HEXB: variants seen among roughly 807,000 people sequenced by gnomAD.
HEXB encodes hexosaminidase subunit beta.
A neutral mutation model predicts 71.2 loss-of-function variants in HEXB; 51 were observed. The observed-to-expected ratio is 0.72, with a 90% CI of 0.57 to 0.90. The LOEUF is 0.90. HEXB is among the 40% of genes least tolerant of loss of function. HEXB has a pLI of 0.00. For synonymous variants in HEXB, 266 were observed against 249.3 expected (o/e 1.07, Z -0.63); for missense variants, 617 against 677.0 (o/e 0.91, Z 0.98).
chr5:74,720,404 C>A, intron 11 of HEXB, 24 bp from the exon 12 acceptor site: 2 of 1,501,696 alleles, frequency 1.3e-6, no homozygotes, highest in Non-Finnish European at 1.9e-6. Context: ...AACTTCTGAA[C>A]TTAATTCAAT....
chr5:74,666,572 C>A (rs1329402811), intron 1 of HEXB, among the ~76,000 whole-genome samples: 3 of 152,198 alleles, frequency 2.0e-5, no homozygotes, highest in Non-Finnish European at 1.5e-5. Flanking sequence ...CCCCAACTCC[C>A]CCACTCCCTG....
At position 74,718,274 on chromosome 5, in the gene HEXB, T is replaced by C. The variant is rs763199590; in HGVS notation, c.1170-17T>C. On this transcript the variant is annotated splice_polypyrimidine_tract_variant and intron_variant, in intron 9 of 13. Transcript: ENST00000261416. The stretch of plus-strand genomic sequence containing the variant: ...AGCTTATGATCTAAAATAACTATAA[T>C]TTTTTTGTAATACTAGGGTTTTGGA... 6.8e-7 allele frequency: 1 copy of C among 1,468,152 alleles called. No homozygotes were observed. Among genetic ancestry groups the C allele is most frequent in the Non-Finnish European group, 9.5e-7 (1 of 1,047,158 alleles). 90.9% of individuals were successfully genotyped at this position (1,468,152 alleles called of 1,614,324 possible).
intron 1 of HEXB, among the ~76,000 whole-genome samples, chr5:74,665,337 T>C (rs1748413264): frequency 6.6e-6 from 1 of 152,224 alleles, no homozygotes; most frequent in South Asian, 2.1e-4. Context: ...AATTTTCTTT[T>C]TTGTACTTCT....
chr5:74,648,484 A>G (rs1748041915), intron 1 of HEXB, among the ~76,000 whole-genome samples: 1 of 152,218 alleles, frequency 6.6e-6, no homozygotes, highest in Non-Finnish European at 1.5e-5. Flanking sequence ...ATCTGCAGAA[A>G]GAACCATGCA....
At chr5:74,654,448 C>T (rs891261852) in intron 1 of HEXB, among the ~76,000 whole-genome samples, 4 of 152,120 alleles carry the variant, frequency 2.6e-5, no homozygotes, top group Non-Finnish European at 4.4e-5. Context: ...GACATTCCCA[C>T]GAGATATACT....
intron 1 of HEXB, among the ~76,000 whole-genome samples, chr5:74,661,549 GTGTGTGTGTGTGTGTCTCTC>G (rs1161094439): frequency 0.026 from 2,034 of 79,550 alleles, 34 homozygotes; most frequent in Middle Eastern, 0.053. Flanking sequence ...GTGTGTGTGT[GTGTGTGTGTGTGTGTCTCTC>G]TCTCTCTCTC....
At chr5:74,693,335 A>T in intron 2 of HEXB, 1 of 451,388 alleles carries the variant, frequency 2.2e-6, no homozygotes, top group Non-Finnish European at 4.1e-6. Flanking sequence ...TGACACCCAA[A>T]TTCCCGTTCT....
In HEXB at chr5:74,693,696, C is replaced by G. The variant is rs897053462; in HGVS notation, c.503C>G (p.Ala168Gly). ...AVLKANRVWG[A>G]LRGLETFSQL... is the part of the protein sequence containing the mutation. ...CTTAAGGCCAACAGAGTTTGGGGAG[C>G]ATTACGAGGTAAGTTCCATGCAGTT... Residue 168 changes from alanine (A) to glycine (G), a missense_variant, in exon 3 of 14, where the codon GCA becomes GGA. Coordinates refer to ENST00000261416, the MANE Select transcript of HEXB (RefSeq NM_000521.4). 8.7e-6 allele frequency: 14 copies of G among 1,610,542 alleles called. No homozygotes were observed. The highest frequency in any genetic ancestry group is 1.1e-5 in the South Asian group (1 of 90,994).
chr5:74,659,763 A>G (rs1198680785), intron 1 of HEXB, among the ~76,000 whole-genome samples: 2 of 152,230 alleles, frequency 1.3e-5, no homozygotes, highest in African/African-American at 2.4e-5. Context: ...GCAAAAACTA[A>G]TATTGCACAT....
intron 1 of HEXB, among the ~76,000 whole-genome samples, chr5:74,689,041 T>C (rs1034031966): frequency 7.0e-6 from 1 of 142,746 alleles, no homozygotes; most frequent in Non-Finnish European, 1.5e-5. Context: ...GGTTTCATTA[T>C]TGGTTCTTAA....
chr5:74,689,490 T>C lies in HEXB; in HGVS notation c.445+17T>C. Reference sequence around the variant, plus strand: ...ATGAGTCTTGTAAGTACCTATGCAATGTGAGTGTATTATATCCCAGGTGCT... The same window carrying C: ...ATGAGTCTTGTAAGTACCTATGCAACGTGAGTGTATTATATCCCAGGTGCT... On this transcript the variant is annotated intron_variant, in intron 2 of 13. Transcript: ENST00000261416. 1 of 1,609,148 alleles carries C rather than the reference T, an allele frequency of 6.2e-7. No individual in the cohort carries two copies. Among genetic ancestry groups the C allele is most frequent in the South Asian group, 1.1e-5 (1 of 90,994 alleles).
rs1402967430 is a variant in HEXB at position 74,708,386 on chromosome 5, C to T, written c.771+3066C>T. Among the ~76,000 whole-genome samples, 150 of 149,078 alleles carry T rather than the reference C, an allele frequency of 1.0e-3. 2 individuals carry two copies. The highest frequency in any genetic ancestry group is 1.8e-3 in the Non-Finnish European group (123 of 67,112). On this transcript the variant is annotated intron_variant, in intron 6 of 13. Transcript: ENST00000261416. ...ACTAGGAAGAAACTGCATCAACTAA[C>T]AAGCAAAATAACCAGCTAACATCAT...
intron 2 of HEXB, chr5:74,693,362 T>G: frequency 2.0e-6 from 1 of 500,052 alleles, no homozygotes; most frequent in Admixed American, 3.2e-5. Context: ...CTCAAGTGAC[T>G]GGATGGTGGT....
At chr5:74,699,354 T>A (rs980253412) in intron 5 of HEXB, among the ~76,000 whole-genome samples, 6 of 150,802 alleles carry the variant, frequency 4.0e-5, no homozygotes, top group African/African-American at 1.5e-4. Context: ...GGCTCACTGC[T>A]ACCTCCGCCT....
At chr5:74,706,503 C>T (rs920129901) in intron 6 of HEXB, among the ~76,000 whole-genome samples, 5 of 152,196 alleles carry the variant, frequency 3.3e-5, no homozygotes, top group Non-Finnish European at 5.9e-5. Context: ...CGTTGCCTCA[C>T]TCGGGAAGCG....
At chr5:74,655,860 T>C (rs961335457) in intron 1 of HEXB, among the ~76,000 whole-genome samples, 1 of 152,178 alleles carries the variant, frequency 6.6e-6, no homozygotes, top group Non-Finnish European at 1.5e-5. Context: ...AATGATCAAG[T>C]GACATGCCTG....
At chr5:74,690,023 A>G (rs1192660520) in intron 2 of HEXB, among the ~76,000 whole-genome samples, 3 of 152,164 alleles carry the variant, frequency 2.0e-5, no homozygotes, top group African/African-American at 7.2e-5. Context: ...TTTGTCTTTG[A>G]AAACATCTGT....
chr5:74,693,501 G>A, intron 2 of HEXB, 138 bp from the exon 3 acceptor site: 1 of 722,668 alleles, frequency 1.4e-6, no homozygotes, highest in Non-Finnish European at 2.5e-6. Context: ...GAGATGTACA[G>A]GAGGCAGTTA....
intron 1 of HEXB, among the ~76,000 whole-genome samples, chr5:74,648,929 A>T (rs1748052338): frequency 6.6e-6 from 1 of 152,332 alleles, no homozygotes; most frequent in South Asian, 2.1e-4. Flanking sequence ...CAGAACACAA[A>T]TGCGGGTTTC....
Sources: gnomAD v4.1 joint callset for allele counts (sites outside exome capture counted in the v4.1 genomes callset) on GRCh38, gnomAD v4.1.1 for gene constraint, MANE v1.5 for transcripts, NCBI Gene and HGNC (gene_info 2026-07-23, HGNC 2026-07-21) for gene names.